Variants in ABCC4 observed in about 807,000 individuals in gnomAD.
ABCC4 encodes ATP binding cassette subfamily C member 4 (PEL blood group), also known as ATP-binding cassette sub-family C member 4.
Under a neutral mutation model 168.5 loss-of-function variants are expected in ABCC4, and 102 were observed. The observed-to-expected ratio is 0.61, with a 90% CI of 0.52 to 0.71. The LOEUF (loss-of-function observed/expected upper bound fraction) is 0.71. Among genes scored for constraint, ABCC4 ranks in the 30% least tolerant of loss-of-function variants. ABCC4 has a pLI of 0.00. For synonymous variants in ABCC4, 617 were observed against 590.7 expected (o/e 1.04, Z -0.65); for missense variants, 1,402 against 1,605.8 (o/e 0.87, Z 2.17).
chr13:95,143,826 T>C (rs2036398891), intron 19 of ABCC4, among the ~76,000 whole-genome samples: 1 of 152,172 alleles, frequency 6.6e-6, no homozygotes. Context: ...CAGGCAAAAG[T>C]GATCATCTAG....
At chr13:95,062,641 A>G (rs2033343357) in intron 26 of ABCC4, 63 bp downstream of exon 26, 9 of 1,437,626 alleles carry the variant, frequency 6.3e-6, no homozygotes, top group Non-Finnish European at 8.5e-6. Context: ...CAATAAGAGT[A>G]AAAGCAATTA....
rs773620026 is a variant in ABCC4, at chr13:95,071,766, G to A, written c.3106C>T (p.Pro1036Ser). 6.2e-7 allele frequency: 1 copy of A among 1,608,380 alleles called. No homozygotes were observed. Among genetic ancestry groups the A allele is most frequent in the Non-Finnish European group, 8.5e-7 (1 of 1,177,384 alleles). ...EYQKRPPPAW[P>S]HEGVIIFDNV... ...TCAAAGATTATCACTCCTTCATGGG[G>A]CCAGGCTGGTGGTGGGCGTTTCTGA... is the stretch of plus-strand genomic sequence containing the variant. The change falls in exon 25 of 31, where the codon CCC (proline) becomes TCC (serine). Residue 1036 changes from proline to serine, a missense_variant. By Grantham distance (74) the Pro-to-Ser change is moderately conservative. This residue lies in a region of ABCC4 where 1,007 missense variants were observed against 1,127.3 expected (regional missense o/e 0.89). Transcript: ENST00000645237.
chr13:95,239,178 A>AT (rs1264301135), intron 3 of ABCC4, among the ~76,000 whole-genome samples: 13 of 147,774 alleles, frequency 8.8e-5, no homozygotes, highest in South Asian at 2.2e-4. Flanking sequence ...AAAAAAAAAA[A>AT]TTTAAATTAT....
intron 1 of ABCC4, among the ~76,000 whole-genome samples, chr13:95,300,871 G>C (rs2041657479): frequency 6.6e-6 from 1 of 152,194 alleles, no homozygotes; most frequent in Non-Finnish European, 1.5e-5. Flanking sequence ...GGGCGTGTAA[G>C]GGGTGCAGTC....
intron 8 of ABCC4, among the ~76,000 whole-genome samples, chr13:95,196,576 G>A (rs1303732102): frequency 9.3e-6 from 1 of 107,090 alleles, no homozygotes. Flanking sequence ...GAGGAAAGGA[G>A]GAAAGGAGGA....
At chr13:95,284,710 C>T (rs1200958460) in intron 1 of ABCC4, among the ~76,000 whole-genome samples, 1 of 152,220 alleles carries the variant, frequency 6.6e-6, no homozygotes, top group East Asian at 1.9e-4. Context: ...ACCAGGGTCA[C>T]TGTATTCCCA....
chr13:95,157,287 A>G (rs1215394379), intron 19 of ABCC4, among the ~76,000 whole-genome samples: 1 of 151,746 alleles, frequency 6.6e-6, no homozygotes, highest in Non-Finnish European at 1.5e-5. Context: ...GAAAACTGCT[A>G]TCTCAGTACC....
chr13:95,263,253 T>C (rs2040581760), intron 1 of ABCC4, among the ~76,000 whole-genome samples: 1 of 152,096 alleles, frequency 6.6e-6, no homozygotes, highest in Admixed American at 6.6e-5. Flanking sequence ...AAAACAAGGT[T>C]ATATATTAAA....
At chr13:95,028,416 T>C (rs546809916) in intron 30 of ABCC4, among the ~76,000 whole-genome samples, 2 of 151,960 alleles carry the variant, frequency 1.3e-5, no homozygotes, top group East Asian at 3.9e-4. Flanking sequence ...TGACATGCAA[T>C]GAAAATGAAA....
intron 20 of ABCC4, among the ~76,000 whole-genome samples, chr13:95,109,638 T>C (rs2035134294): frequency 1.3e-5 from 2 of 152,204 alleles, no homozygotes; most frequent in Admixed American, 1.3e-4. Flanking sequence ...AGGTGTTGCA[T>C]GGCCAGTCTT....
intron 25 of ABCC4, among the ~76,000 whole-genome samples, chr13:95,068,392 G>A (rs982902661): frequency 5.3e-5 from 8 of 152,170 alleles, no homozygotes; most frequent in Non-Finnish European, 1.0e-4. Context: ...TTGGGAGGTC[G>A]AGGCAGGTGG....
In ABCC4 at chr13:95,219,875, G is replaced by A. The variant is rs192047472; in HGVS notation, c.532-9094C>T. Among the ~76,000 whole-genome samples the A allele has an allele frequency of 1.9e-4, 25 of 131,870 alleles. No individual in the cohort carries two copies. The East Asian group carries it at 3.9e-3, about 20-fold the overall frequency. The allele number at this position is 131,870 out of a possible 152,430, so 86.5% of individuals were successfully genotyped here. A position where few individuals can be genotyped will look rare whatever the true frequency, so the allele number is the denominator to read the frequency against. On this transcript the variant is annotated intron_variant, in intron 4 of 30. Transcript: ENST00000645237. ...TTCTTTCTGCTTTTTTTTTCCCCCCGAGACAGTTTCACTCTTGTTGCCCAG... is the reference window on the plus strand; with the variant it reads ...TTCTTTCTGCTTTTTTTTTCCCCCCAAGACAGTTTCACTCTTGTTGCCCAG...
chr13:95,219,278 G>T (rs1032402405), intron 4 of ABCC4, among the ~76,000 whole-genome samples: 1 of 152,122 alleles, frequency 6.6e-6, no homozygotes, highest in African/African-American at 2.4e-5. Context: ...AACTGAACTG[G>T]TTTATCGACT....
chr13:95,059,404 A>C (rs1201184385), intron 26 of ABCC4, among the ~76,000 whole-genome samples: 2 of 152,184 alleles, frequency 1.3e-5, no homozygotes, highest in Admixed American at 6.5e-5. Flanking sequence ...CTTGTCTGGG[A>C]CGCAACAATC....
chr13:95,226,353 T>A (rs1174227784), intron 4 of ABCC4, among the ~76,000 whole-genome samples: 1 of 152,172 alleles, frequency 6.6e-6, no homozygotes, highest in Non-Finnish European at 1.5e-5. Context: ...GTAATTAAGA[T>A]AATTTGCTAT....
chr13:95,158,602 A>G (rs2036960197), intron 19 of ABCC4, among the ~76,000 whole-genome samples: 1 of 152,186 alleles, frequency 6.6e-6, no homozygotes, highest in South Asian at 2.1e-4. Flanking sequence ...CTTGCTTTTA[A>G]TAACTAAGTA....
At chr13:95,183,775 A>G (rs2037972822) in intron 11 of ABCC4, among the ~76,000 whole-genome samples, 1 of 152,168 alleles carries the variant, frequency 6.6e-6, no homozygotes, top group Non-Finnish European at 1.5e-5. Context: ...TTAGCCAGGC[A>G]TGGTGGCGCA....
At chr13:95,255,769 C>T (rs984391375) in intron 1 of ABCC4, among the ~76,000 whole-genome samples, 1 of 152,212 alleles carries the variant, frequency 6.6e-6, no homozygotes, top group Non-Finnish European at 1.5e-5. Context: ...CCCCCCTCCA[C>T]ACCTGCACTC....
chr13:95,236,602 GCACACA>G (rs1555335144), intron 3 of ABCC4, among the ~76,000 whole-genome samples: 46 of 76,624 alleles, frequency 6.0e-4, no homozygotes, highest in Admixed American at 1.6e-3. Flanking sequence ...GCGCGTGCGC[GCACACA>G]CACACACACA....
Sources: allele counts gnomAD v4.1 joint callset (sites outside exome capture counted in the v4.1 genomes callset), GRCh38; gene constraint gnomAD v4.1.1; regional missense constraint gnomAD v4.1.1; transcripts MANE v1.5; gene names NCBI Gene and HGNC (gene_info 2026-07-23, HGNC 2026-07-21).